KLF8: variants seen among roughly 807,000 people sequenced by gnomAD.
KLF8 encodes KLF transcription factor 8.
In KLF8, 10 loss-of-function variants were observed where a neutral mutation model predicts 18.2. The ratio of observed to expected loss-of-function variants is 0.55; its 90% CI spans 0.34 to 0.93. The LOEUF (loss-of-function observed/expected upper bound fraction) is 0.93, where lower values mean the gene tolerates loss of function less well. Among genes scored for constraint, KLF8 ranks in the 40% least tolerant of loss-of-function variants. The probability of loss-of-function intolerance (pLI) is 0.02; values close to 1 mark genes in which losing one functional copy is unlikely to be tolerated. For synonymous variants in KLF8, 109 were observed against 97.3 expected (o/e 1.12, Z -0.71); for missense variants, 264 against 277.9 (o/e 0.95, Z 0.36).
At chrX:56,117,104 CT>C in the KLF8 span, among the ~76,000 whole-genome samples, 3 of 110,158 alleles carry the variant, frequency 2.7e-5, no homozygotes, top group African/African-American at 1.0e-4. Context: ...AGCAAGACCC[CT>C]ATCTCTATTA....
the KLF8 span, among the ~76,000 whole-genome samples, chrX:56,111,809 G>A: frequency 8.8e-3 from 988 of 111,751 alleles, 16 homozygotes; most frequent in African/African-American, 0.029. Context: ...TTAGAATGGC[G>A]ATCATTAAAA....
chrX:56,048,292 T>G, the KLF8 span, among the ~76,000 whole-genome samples: 10 of 112,190 alleles, frequency 8.9e-5, no homozygotes, highest in Non-Finnish European at 1.7e-4. Flanking sequence ...TTTGTCAATT[T>G]TGGCTTTTGT....
At chrX:55,924,628 T>C in the KLF8 span, among the ~76,000 whole-genome samples, 1 of 110,946 alleles carries the variant, frequency 9.0e-6, no homozygotes, top group Non-Finnish European at 1.9e-5. Flanking sequence ...AGGGCTTTTA[T>C]AGAGCATCTA....
the KLF8 span, among the ~76,000 whole-genome samples, chrX:56,103,195 C>T: frequency 9.1e-6 from 1 of 110,117 alleles, no homozygotes; most frequent in Admixed American, 9.6e-5. Flanking sequence ...GCAATGTGGG[C>T]TCTTTTTTGG....
At chrX:56,125,724 C>T in the KLF8 span, among the ~76,000 whole-genome samples, 1 of 112,117 alleles carries the variant, frequency 8.9e-6, no homozygotes, top group African/African-American at 3.2e-5. Context: ...TAGCTCAAAT[C>T]TAGTTTATGG....
the KLF8 span, among the ~76,000 whole-genome samples, chrX:55,923,298 TG>T: frequency 5.9e-4 from 33 of 56,407 alleles, 2 homozygotes; most frequent in Admixed American, 9.9e-4. Context: ...GACACATGGG[TG>T]GGGGGTGGGG....
chrX:56,091,393 T>A, the KLF8 span, among the ~76,000 whole-genome samples: 18 of 111,610 alleles, frequency 1.6e-4, no homozygotes, highest in African/African-American at 5.5e-4. Context: ...CAATTACACC[T>A]ATTTCTTTTA....
the KLF8 span, among the ~76,000 whole-genome samples, chrX:56,150,952 G>T: frequency 3.6e-5 from 4 of 111,612 alleles, no homozygotes; most frequent in African/African-American, 6.5e-5. Context: ...TTCCTCAGAA[G>T]GTCAGAGAAG....
chrX:56,101,805 T>G, the KLF8 span, among the ~76,000 whole-genome samples: 75 of 112,022 alleles, frequency 6.7e-4, no homozygotes, highest in African/African-American at 2.2e-3. Context: ...TCATTTGATA[T>G]TTACTTCTTG....
the KLF8 span, among the ~76,000 whole-genome samples, chrX:56,168,058 G>C: frequency 8.9e-6 from 1 of 111,743 alleles, no homozygotes; most frequent in Non-Finnish European, 1.9e-5. Flanking sequence ...GGGATTTAAA[G>C]AACACAATTT....
At chrX:56,082,445 C>G in the KLF8 span, among the ~76,000 whole-genome samples, 8 of 107,518 alleles carry the variant, frequency 7.4e-5, no homozygotes, top group Admixed American at 9.9e-5. Context: ...TTTCTTTTCT[C>G]TATTTTATTT....
intron 5 of KLF8, among the ~76,000 whole-genome samples, chrX:56,272,256 T>C (rs2067066887): frequency 9.0e-6 from 1 of 110,934 alleles, no homozygotes; most frequent in Non-Finnish European, 1.9e-5. Flanking sequence ...TTGCCCAGGC[T>C]GGAGTTTAGC....
At chrX:55,956,391 T>C in the KLF8 span, among the ~76,000 whole-genome samples, 2 of 111,326 alleles carry the variant, frequency 1.8e-5, no homozygotes, top group African/African-American at 6.5e-5. Flanking sequence ...GAGACTCTGC[T>C]TTTGATTTTT....
At chrX:56,133,897 A>G in the KLF8 span, among the ~76,000 whole-genome samples, 1 of 96,247 alleles carries the variant, frequency 1.0e-5, no homozygotes, top group African/African-American at 3.7e-5. Context: ...TTAAATCAAG[A>G]ACTGAACCCC....
At chrX:55,936,637 G>C in the KLF8 span, among the ~76,000 whole-genome samples, 2 of 112,657 alleles carry the variant, frequency 1.8e-5, no homozygotes, top group African/African-American at 6.4e-5. Flanking sequence ...TCAAAGAAAG[G>C]GGTGACAGAT....
chrX:55,970,261 T>A, the KLF8 span, among the ~76,000 whole-genome samples: 1 of 111,260 alleles, frequency 9.0e-6, no homozygotes, highest in Non-Finnish European at 1.9e-5. Flanking sequence ...GGGTCAAGAC[T>A]GTTTTAACAT....
chrX:55,983,487 C>A, the KLF8 span, among the ~76,000 whole-genome samples: 1 of 111,856 alleles, frequency 8.9e-6, no homozygotes, highest in Non-Finnish European at 1.9e-5. Context: ...AATTATACTT[C>A]ATTCTACTCA....
the KLF8 span, among the ~76,000 whole-genome samples, chrX:55,981,025 T>A: frequency 3.6e-5 from 4 of 111,413 alleles, no homozygotes; most frequent in Non-Finnish European, 5.7e-5. Flanking sequence ...AAACCCCATC[T>A]CTACTAAAAA....
chrX:55,992,462 C>T, the KLF8 span, among the ~76,000 whole-genome samples: 2 of 111,538 alleles, frequency 1.8e-5, no homozygotes, highest in Non-Finnish European at 3.8e-5. Context: ...TCTATGAACC[C>T]GTTTTTGTGC....
Sources: allele counts gnomAD v4.1 joint callset (sites outside exome capture counted in the v4.1 genomes callset), GRCh38; gene constraint gnomAD v4.1.1; transcripts MANE v1.5; gene names NCBI Gene and HGNC (gene_info 2026-07-23, HGNC 2026-07-21).